SGCZ: variants seen among roughly 807,000 people sequenced by gnomAD.
SGCZ encodes the protein sarcoglycan zeta.
Under a neutral mutation model 41.3 loss-of-function variants are expected in SGCZ, and 40 were observed. The ratio of observed to expected loss-of-function variants is 0.97; its 90% CI spans 0.75 to 1.26. The LOEUF is 1.26. SGCZ is among the 50% of genes most tolerant of loss of function. The pLI is 0.00. For synonymous variants in SGCZ, 206 were observed against 137.5 expected, an observed-to-expected ratio of 1.50 and a Z score of -3.49; for missense variants, 552 against 369.8, an observed-to-expected ratio of 1.49 and a Z score of -4.04.
At chr8:15,186,860 T>C (rs1800363670) in intron 1 of SGCZ, among the ~76,000 whole-genome samples, 1 of 152,280 alleles carries the variant, frequency 6.6e-6, no homozygotes, top group Non-Finnish European at 1.5e-5. Flanking sequence ...AGTGGGTTTT[T>C]AAGCATTTAA....
intron 1 of SGCZ, among the ~76,000 whole-genome samples, chr8:14,801,455 A>G (rs1172111008): frequency 1.3e-5 from 2 of 152,194 alleles, no homozygotes; most frequent in Non-Finnish European, 2.9e-5. Context: ...TATATAATGT[A>G]ACAATAATTT....
At chr8:14,747,024 G>A (rs564377807) in intron 1 of SGCZ, among the ~76,000 whole-genome samples, 1 of 152,238 alleles carries the variant, frequency 6.6e-6, no homozygotes, top group African/African-American at 2.4e-5. Context: ...AACAAATTAT[G>A]CACTGAATTT....
chr8:14,296,895 G>C (rs956615600), intron 3 of SGCZ, among the ~76,000 whole-genome samples: 1 of 151,996 alleles, frequency 6.6e-6, no homozygotes, highest in Non-Finnish European at 1.5e-5. Flanking sequence ...AATTACAAGG[G>C]AAAATACAAA....
chr8:14,263,600 A>C (rs769217665), intron 3 of SGCZ, among the ~76,000 whole-genome samples: 2 of 152,084 alleles, frequency 1.3e-5, no homozygotes, highest in African/African-American at 2.4e-5. Context: ...CATAAATAAA[A>C]ATCAGCAAAG....
intron 2 of SGCZ, among the ~76,000 whole-genome samples, chr8:14,486,064 CA>C (rs1026811757): frequency 3.9e-5 from 6 of 152,046 alleles, no homozygotes; most frequent in African/African-American, 1.2e-4. Flanking sequence ...TCTACTGATA[CA>C]ATACAAAATA....
intron 1 of SGCZ, among the ~76,000 whole-genome samples, chr8:14,961,778 C>A (rs1182266808): frequency 6.6e-6 from 1 of 152,036 alleles, no homozygotes; most frequent in East Asian, 1.9e-4. Context: ...AGGGATACAT[C>A]AGAACCCCAC....
chr8:15,189,130 T>G (rs1800446137), intron 1 of SGCZ, among the ~76,000 whole-genome samples: 1 of 152,232 alleles, frequency 6.6e-6, no homozygotes, highest in African/African-American at 2.4e-5. Context: ...ACGGTTTTGC[T>G]TTGATATAGA....
intron 2 of SGCZ, among the ~76,000 whole-genome samples, chr8:14,332,934 C>T (rs1406341246): frequency 7.0e-6 from 1 of 142,676 alleles, no homozygotes; most frequent in Non-Finnish European, 1.6e-5. Context: ...CATATATATA[C>T]ATATATGTGT....
chr8:14,530,412 A>G lies in SGCZ; in HGVS notation c.234+24320T>C, dbSNP rs988515771. Among the ~76,000 whole-genome samples, 4 of 152,042 alleles carry G rather than the reference A, an allele frequency of 2.6e-5. No individual in the cohort carries two copies. In the South Asian group the frequency reaches 8.3e-4, roughly 31 times the overall value. On this transcript the variant is annotated intron_variant, in intron 2 of 7. Transcript: ENST00000382080. The stretch of plus-strand genomic sequence containing the variant: ...TGTCATGAAGACTCTTATCTGTCTG[A>G]TCATGTTTTTATTTGATAATACTTT...
chr8:14,399,027 T>C (rs1387038323), intron 2 of SGCZ, among the ~76,000 whole-genome samples: 1 of 152,132 alleles, frequency 6.6e-6, no homozygotes, highest in Non-Finnish European at 1.5e-5. Context: ...AAAGGGAACA[T>C]TTCTTTTTCC....
intron 1 of SGCZ, among the ~76,000 whole-genome samples, chr8:14,865,527 G>A (rs541338860): frequency 2.6e-5 from 4 of 152,060 alleles, no homozygotes; most frequent in African/African-American, 9.7e-5. Flanking sequence ...TGAAGGAAGC[G>A]TGGGGTATCT....
chr8:14,747,421 C>T (rs901024439), intron 1 of SGCZ, among the ~76,000 whole-genome samples: 4 of 152,106 alleles, frequency 2.6e-5, no homozygotes, highest in South Asian at 2.1e-4. Context: ...GGTGACAAAA[C>T]CAACGTCCAG....
intron 1 of SGCZ, among the ~76,000 whole-genome samples, chr8:14,565,600 T>C (rs1239801492): frequency 1.3e-5 from 2 of 151,976 alleles, no homozygotes; most frequent in African/African-American, 4.8e-5. Flanking sequence ...GAAAAATCTT[T>C]AAGGAAAAAC....
intron 1 of SGCZ, among the ~76,000 whole-genome samples, chr8:15,015,544 G>T (rs938790356): frequency 2.0e-5 from 3 of 151,670 alleles, no homozygotes; most frequent in Non-Finnish European, 2.9e-5. Flanking sequence ...AAAATTAGGC[G>T]AGTGTGATGG....
At chr8:14,778,997 A>G (rs1800499928) in intron 1 of SGCZ, among the ~76,000 whole-genome samples, 1 of 152,216 alleles carries the variant, frequency 6.6e-6, no homozygotes, top group South Asian at 2.1e-4. Context: ...TCTTACATGC[A>G]TATACAAGGA....
At chr8:15,026,485 T>G (rs1052545234) in intron 1 of SGCZ, among the ~76,000 whole-genome samples, 7 of 152,212 alleles carry the variant, frequency 4.6e-5, no homozygotes, top group East Asian at 1.9e-4. Context: ...TTTGCTCTTA[T>G]GCATCAAAAT....
rs75632940 is a variant in SGCZ at position 14,985,146 on chromosome 8, C to T, written c.39+252439G>A. 9.2e-5 allele frequency among the ~76,000 whole-genome samples: 14 copies of T among 152,262 alleles called. No individual in the cohort carries two copies. In the East Asian group the frequency reaches 2.7e-3, roughly 29 times the overall value. ...AAGGATTTAGAGTTTGAAATGAATA[C>T]ATTTGGATGCTTATTGTTGTCTCCC... On this transcript the variant is annotated intron_variant, in intron 1 of 7. Coordinates refer to ENST00000382080, the MANE Select transcript of SGCZ (RefSeq NM_139167.4).
chr8:14,543,844 A>G (rs193261069), intron 2 of SGCZ, among the ~76,000 whole-genome samples: 1 of 152,276 alleles, frequency 6.6e-6, no homozygotes, highest in Admixed American at 6.5e-5. Flanking sequence ...ATTCTGTTTG[A>G]CTACATATTT....
At chr8:14,473,600 C>G (rs1801271768) in intron 2 of SGCZ, among the ~76,000 whole-genome samples, 1 of 151,878 alleles carries the variant, frequency 6.6e-6, no homozygotes, top group South Asian at 2.1e-4. Flanking sequence ...GGTGAAAATT[C>G]ACAAATGAAT....
Sources: allele counts gnomAD v4.1 joint callset (sites outside exome capture counted in the v4.1 genomes callset), GRCh38; gene constraint gnomAD v4.1.1; transcripts MANE v1.5; gene names NCBI Gene and HGNC (gene_info 2026-07-23, HGNC 2026-07-21).